GULP1: variants seen among roughly 807,000 people sequenced by gnomAD.
The protein encoded by GULP1 is GULP PTB domain containing engulfment adaptor 1.
In GULP1, 19 loss-of-function variants were observed where a neutral mutation model predicts 40.9. That is an observed-to-expected ratio of 0.46 (90% CI 0.32 to 0.68). GULP1 has a LOEUF of 0.68. Ranked by LOEUF, GULP1 falls within the 30% of genes least tolerant of loss-of-function variation. GULP1 has a pLI of 0.03. For missense variants in GULP1, 312 were observed against 362.2 expected (o/e 0.86, Z 1.12); for synonymous variants, 119 against 117.6 (o/e 1.01, Z -0.08).
chr2:188,526,100 A>G (rs1686101083), intron 5 of GULP1, among the ~76,000 whole-genome samples: 1 of 152,042 alleles, frequency 6.6e-6, no homozygotes, highest in African/African-American at 2.4e-5. Context: ...TAGAAATTAT[A>G]TAATAAGATT....
At chr2:188,587,754 G>C (rs550174181) in intron 10 of GULP1, 101 bp from the exon 11 acceptor site, 2 of 687,116 alleles carry the variant, frequency 2.9e-6, no homozygotes, top group Non-Finnish European at 5.2e-6. Flanking sequence ...TGGCTTATTT[G>C]ATCATGTAAA....
intron 2 of GULP1, among the ~76,000 whole-genome samples, chr2:188,386,448 T>C (rs2049765415): frequency 6.6e-6 from 1 of 152,164 alleles, no homozygotes; most frequent in Non-Finnish European, 1.5e-5. Flanking sequence ...TATATATACT[T>C]TGTTGATTTT....
chr2:188,403,447 C>T (rs558171129), intron 2 of GULP1, among the ~76,000 whole-genome samples: 13 of 152,138 alleles, frequency 8.5e-5, no homozygotes, highest in African/African-American at 2.4e-4. Flanking sequence ...TTTGGTATCC[C>T]CTTTTATAAT....
chr2:188,568,875 C>T (rs572121067), intron 7 of GULP1, among the ~76,000 whole-genome samples: 2 of 152,224 alleles, frequency 1.3e-5, no homozygotes, highest in East Asian at 1.9e-4. Context: ...ACTCTGCTTT[C>T]ATTTCATAGG....
At chr2:188,502,836 G>T (rs75334168) in intron 4 of GULP1, among the ~76,000 whole-genome samples, 6,316 of 151,912 alleles carry the variant, frequency 0.042, 299 homozygotes, top group African/African-American at 0.11. Flanking sequence ...CACAACTCTG[G>T]AGGCTAGGAG....
At chr2:188,411,251 G>T (rs1310063278) in intron 2 of GULP1, among the ~76,000 whole-genome samples, 2 of 151,284 alleles carry the variant, frequency 1.3e-5, no homozygotes, top group South Asian at 2.1e-4. Context: ...GTCAGGGTCT[G>T]TGGGACAGAC....
intron 7 of GULP1, among the ~76,000 whole-genome samples, chr2:188,542,398 A>G (rs996831853): frequency 2.6e-4 from 40 of 152,186 alleles, no homozygotes; most frequent in Admixed American, 6.5e-5. Flanking sequence ...GCTTCTTGAG[A>G]ACAAATACCT....
At chr2:188,530,430 A>G (rs1176410606) in intron 6 of GULP1, among the ~76,000 whole-genome samples, 4 of 152,230 alleles carry the variant, frequency 2.6e-5, no homozygotes, top group Non-Finnish European at 1.5e-5. Flanking sequence ...GTTTTGGACT[A>G]AAGTGTTTCC....
chr2:188,442,867 TC>T (rs2058055312), intron 2 of GULP1, among the ~76,000 whole-genome samples: 1 of 152,136 alleles, frequency 6.6e-6, no homozygotes, highest in Admixed American at 6.6e-5. Context: ...TTCTGTCCCT[TC>T]TCTCAGCTTC....
At chr2:188,586,766 G>T (rs1201531837) in intron 10 of GULP1, among the ~76,000 whole-genome samples, 2 of 151,910 alleles carry the variant, frequency 1.3e-5, no homozygotes, top group African/African-American at 4.8e-5. Context: ...AAGAATCTGG[G>T]AAAAAACATG....
intron 4 of GULP1, among the ~76,000 whole-genome samples, chr2:188,517,380 T>A (rs2065277806): frequency 1.3e-5 from 2 of 152,192 alleles, no homozygotes; most frequent in South Asian, 4.1e-4. Flanking sequence ...TCTTTTGTTC[T>A]TTATGTGCTA....
chr2:188,559,039 G>A (rs1214994389), intron 7 of GULP1, among the ~76,000 whole-genome samples: 1 of 152,174 alleles, frequency 6.6e-6, no homozygotes, highest in Non-Finnish European at 1.5e-5. Context: ...TTCAAGAGCA[G>A]CTACAGAAAT....
chr2:188,437,323 C>T (rs1168627274), intron 2 of GULP1, among the ~76,000 whole-genome samples: 2 of 152,000 alleles, frequency 1.3e-5, no homozygotes, highest in African/African-American at 2.4e-5. Flanking sequence ...GGCAGTTGTA[C>T]ATATCAAGCT....
chr2:188,467,496 G>A (rs889071292), intron 2 of GULP1, among the ~76,000 whole-genome samples: 7 of 151,458 alleles, frequency 4.6e-5, no homozygotes, highest in African/African-American at 1.7e-4. Flanking sequence ...ATATATCTTG[G>A]TATTTATTTA....
intron 2 of GULP1, among the ~76,000 whole-genome samples, chr2:188,411,613 A>G (rs1012773912): frequency 1.3e-5 from 2 of 152,194 alleles, no homozygotes; most frequent in African/African-American, 4.8e-5. Context: ...GATAACAAAT[A>G]TCTTCACTTT....
At chr2:188,519,290 A>C (rs953809037) in intron 4 of GULP1, among the ~76,000 whole-genome samples, 14 of 152,302 alleles carry the variant, frequency 9.2e-5, no homozygotes, top group Non-Finnish European at 1.6e-4. Flanking sequence ...GCACAGCTAG[A>C]GGTTGATTCA....
intron 2 of GULP1, among the ~76,000 whole-genome samples, chr2:188,434,081 T>C (rs889052940): frequency 2.6e-5 from 4 of 151,996 alleles, no homozygotes; most frequent in African/African-American, 9.7e-5. Flanking sequence ...AAGGTGATAG[T>C]ATAAGAAGAG....
chr2:188,337,629 G>A (rs2042445371), intron 1 of GULP1, among the ~76,000 whole-genome samples: 1 of 151,860 alleles, frequency 6.6e-6, no homozygotes, highest in African/African-American at 2.4e-5. Context: ...ATAAAATAGT[G>A]TGTTGTACCC....
At chr2:188,314,834 C>CCCA (rs1444432597) in intron 1 of GULP1, among the ~76,000 whole-genome samples, 1 of 152,110 alleles carries the variant, frequency 6.6e-6, no homozygotes, top group African/African-American at 2.4e-5. Context: ...GTGATAAAAC[C>CCCA]CCACACTATC....
Sources: gnomAD v4.1 joint callset for allele counts (sites outside exome capture counted in the v4.1 genomes callset) on GRCh38, gnomAD v4.1.1 for gene constraint, MANE v1.5 for transcripts, NCBI Gene and HGNC (gene_info 2026-07-23, HGNC 2026-07-21) for gene names.